Variants in ACACA observed in about 807,000 individuals in gnomAD.
ACACA encodes the protein acetyl-CoA carboxylase 1.
Under a neutral mutation model 296.1 loss-of-function variants are expected in ACACA, and 103 were observed. The observed-to-expected ratio is 0.35, with a 90% CI of 0.30 to 0.41. The LOEUF (loss-of-function observed/expected upper bound fraction) is 0.41, where lower values mean the gene tolerates loss of function less well. Ranked by LOEUF, ACACA falls within the 10% of genes least tolerant of loss-of-function variation. ACACA has a pLI of 1.00. For missense variants in ACACA, 1,554 were observed against 2,989.7 expected, an observed-to-expected ratio of 0.52 and a Z score of 11.20; for synonymous variants, 953 against 1,038.6, an observed-to-expected ratio of 0.92 and a Z score of 1.58.
chr17:37,337,108 T>C (rs961606697), intron 2 of ACACA, among the ~76,000 whole-genome samples: 1 of 152,156 alleles, frequency 6.6e-6, no homozygotes, highest in African/African-American at 2.4e-5. Context: ...CATCCATTAA[T>C]CTATGCTTTC....
intron 45 of ACACA, chr17:37,144,453 G>T: frequency 3.5e-6 from 1 of 286,294 alleles, no homozygotes; most frequent in South Asian, 3.8e-5. Context: ...CCCTTCTTGA[G>T]CCTCCATGAC....
intron 3 of ACACA, 96 bp downstream of exon 3, chr17:37,330,077 G>A (rs1049808168): frequency 6.7e-7 from 1 of 1,487,386 alleles, no homozygotes; most frequent in African/African-American, 1.4e-5. Flanking sequence ...AAAAGGCAAA[G>A]CAGTCTTAGC....
At chr17:37,190,411 G>C (rs1252448804) in intron 38 of ACACA, among the ~76,000 whole-genome samples, 3 of 151,632 alleles carry the variant, frequency 2.0e-5, no homozygotes, top group Non-Finnish European at 4.4e-5. Flanking sequence ...CTGGGCAACA[G>C]AGCGAGACTC....
At chr17:37,121,575 T>G in intron 49 of ACACA, 85 bp from the exon 50 acceptor site, 1 of 1,552,696 alleles carries the variant, frequency 6.4e-7, no homozygotes. Flanking sequence ...TTTACTTATT[T>G]AAAACTGAAA....
chr17:37,230,968 C>G (rs529824300), intron 25 of ACACA, among the ~76,000 whole-genome samples: 7 of 152,330 alleles, frequency 4.6e-5, no homozygotes, highest in Non-Finnish European at 7.3e-5. Flanking sequence ...TATTATTCAG[C>G]CATACTGGTA....
chr17:37,357,783 T>C (rs2049210449), intron 1 of ACACA, among the ~76,000 whole-genome samples: 1 of 152,152 alleles, frequency 6.6e-6, no homozygotes, highest in Admixed American at 6.6e-5. Flanking sequence ...GAAAAGTGCC[T>C]GTCAAATAAG....
intron 1 of ACACA, among the ~76,000 whole-genome samples, chr17:37,350,347 C>A (rs79321482): frequency 0.093 from 13,701 of 147,104 alleles, 777 homozygotes; most frequent in Middle Eastern, 0.2. Flanking sequence ...AAAAAAAAAA[C>A]CAAAAAAAAA....
At chr17:37,226,490 T>A (rs761071422) in intron 25 of ACACA, 38 bp from the exon 26 acceptor site, 8 of 1,528,870 alleles carry the variant, frequency 5.2e-6, no homozygotes, top group Non-Finnish European at 7.3e-6. Flanking sequence ...GATAGTCATA[T>A]TAAAAAGAAC....
At chr17:37,249,022 C>A (rs2080853326) in intron 16 of ACACA, among the ~76,000 whole-genome samples, 1 of 152,154 alleles carries the variant, frequency 6.6e-6, no homozygotes, top group Non-Finnish European at 1.5e-5. Context: ...ATTTCGCCCT[C>A]CCCCCAGTTC....
At chr17:37,122,150 T>G (rs1183043443) in intron 49 of ACACA, among the ~76,000 whole-genome samples, 1 of 152,064 alleles carries the variant, frequency 6.6e-6, no homozygotes, top group Non-Finnish European at 1.5e-5. Flanking sequence ...GGCTGTGGTG[T>G]TCACGCTTGG....
intron 3 of ACACA, among the ~76,000 whole-genome samples, chr17:37,308,281 T>C (rs2083975199): frequency 6.6e-6 from 1 of 152,040 alleles, no homozygotes; most frequent in African/African-American, 2.4e-5. Context: ...AAAATGTATA[T>C]CCAAGCTTGA....
intron 52 of ACACA, among the ~76,000 whole-genome samples, chr17:37,099,892 G>C (rs1288353161): frequency 2.0e-5 from 3 of 152,078 alleles, no homozygotes; most frequent in Non-Finnish European, 4.4e-5. Context: ...AAACAAGGAA[G>C]CCCTCAAAAA....
rs771598740 is a variant in ACACA, at chr17:37,277,045, T to G, written c.790A>C (p.Ile264Leu). ...CAGAACAGCTTACCCATGAAGGCAATGCCATTTTTCAAGAGAAGTTCCGGT... is the reference window on the plus strand; with the variant it reads ...CAGAACAGCTTACCCATGAAGGCAAGGCCATTTTTCAAGAGAAGTTCCGGT... Reference protein sequence around the residue: ...KLPELLLKNGIAFMGPPSQAM... With the variant: ...KLPELLLKNGLAFMGPPSQAM... Residue 264 changes from isoleucine (I) to leucine (L), a missense_variant, in exon 7 of 56, where the codon ATT (isoleucine) becomes CTT (leucine). Ile to Leu is a conservative substitution (Grantham distance 5). Around this residue, in one of 16 missense-constraint regions of ACACA, gnomAD observed 29 missense variants for 90.3 expected, o/e 0.32. Coordinates refer to ENST00000616317, the MANE Select transcript of ACACA (RefSeq NM_198834.3). 1 of 1,613,822 alleles carries G rather than the reference T, an allele frequency of 6.2e-7. No homozygotes were observed. Among genetic ancestry groups the G allele is most frequent in the Non-Finnish European group, 8.5e-7 (1 of 1,179,824 alleles).
At chr17:37,389,374 C>T in intron 1 of ACACA, 1 of 1,566,156 alleles carries the variant, frequency 6.4e-7, no homozygotes, top group East Asian at 2.4e-5. Context: ...AAAGTGTTCT[C>T]TGTGTGGTTT....
intron 54 of ACACA, among the ~76,000 whole-genome samples, chr17:37,091,067 T>C (rs1335692356): frequency 2.0e-5 from 3 of 152,208 alleles, no homozygotes; most frequent in Non-Finnish European, 2.9e-5. Flanking sequence ...TATCAACATA[T>C]GCCAGGGAGC....
intron 1 of ACACA, among the ~76,000 whole-genome samples, chr17:37,362,179 A>G (rs544045723): frequency 1.1e-4 from 16 of 152,248 alleles, no homozygotes; most frequent in Non-Finnish European, 1.9e-4. Context: ...TTGGACTTCT[A>G]GCCTTCAGAA....
At chr17:37,226,482 T>C (rs2079550407) in intron 25 of ACACA, 30 bp from the exon 26 acceptor site, 1 of 1,553,416 alleles carries the variant, frequency 6.4e-7, no homozygotes, top group Admixed American at 1.7e-5. Context: ...AGAACATAGA[T>C]AGTCATATTA....
chr17:37,334,721 T>TCACTGCACCCCGTCCATGC (rs545410914), intron 2 of ACACA, among the ~76,000 whole-genome samples: 2 of 151,920 alleles, frequency 1.3e-5, no homozygotes, highest in African/African-American at 4.8e-5. Context: ...CCTTTCACTC[T>TCACTGCACCCCGTCCATGC]CACTGCACCC....
chr17:37,389,703 A>G (rs2050708202), intron 1 of ACACA, among the ~76,000 whole-genome samples: 1 of 151,992 alleles, frequency 6.6e-6, no homozygotes, highest in Non-Finnish European at 1.5e-5. Context: ...AAAAGAAAGA[A>G]AAAAAGAAAA....
Sources: allele counts gnomAD v4.1 joint callset (sites outside exome capture counted in the v4.1 genomes callset), GRCh38; gene constraint gnomAD v4.1.1; regional missense constraint gnomAD v4.1.1; transcripts MANE v1.5; gene names NCBI Gene and HGNC (gene_info 2026-07-23, HGNC 2026-07-21).